Variants in ITIH4 observed in about 807,000 individuals in gnomAD.
The protein encoded by ITIH4 is inter-alpha-trypsin inhibitor heavy chain H4.
Under a neutral mutation model 111.8 loss-of-function variants are expected in ITIH4, and 79 were observed. The observed-to-expected ratio is 0.71, with a 90% CI of 0.59 to 0.85. ITIH4 has a LOEUF of 0.85. Among genes scored for constraint, ITIH4 ranks in the 40% least tolerant of loss-of-function variants. ITIH4 has a pLI of 0.00. For synonymous variants in ITIH4, 472 were observed against 468.3 expected (o/e 1.01, Z -0.10); for missense variants, 1,065 against 1,195.8 (o/e 0.89, Z 1.61).
intron 2 of ITIH4, 78 bp from the exon 3 acceptor site, chr3:52,827,275 T>C: frequency 6.0e-6 from 7 of 1,158,896 alleles, no homozygotes; most frequent in Non-Finnish European, 7.8e-6. Flanking sequence ...CAGAGAGCCT[T>C]TCTGGACTCG....
At chr3:52,822,700 TAC>T (rs1477689320) in intron 11 of ITIH4, among the ~76,000 whole-genome samples, 1 of 152,160 alleles carries the variant, frequency 6.6e-6, no homozygotes, top group Non-Finnish European at 1.5e-5. Flanking sequence ...ACGCAGACCG[TAC>T]CAACAGTCAT....
At position 52,814,574 on chromosome 3, in the gene ITIH4, C is replaced by CT. The variant is rs199505925; in HGVS notation, c.2472-212dup. Among the ~76,000 whole-genome samples, 82 of 152,140 alleles carry CT rather than the reference C, an allele frequency of 5.4e-4. 2 individuals carry two copies. The East Asian group carries it at 0.014, about 26-fold the overall frequency. ...TTAATGATGTCTAGTTTCCCCATCA[C>CT]TTTTTTTTCTTTCTCTTTTTTGGTG... On this transcript the variant is annotated intron_variant, in intron 21 of 23. Coordinates refer to ENST00000266041, the MANE Select transcript of ITIH4 (RefSeq NM_002218.5).
chr3:52,816,241 G>C (rs1700276186), intron 21 of ITIH4, among the ~76,000 whole-genome samples: 2 of 152,162 alleles, frequency 1.3e-5, no homozygotes, highest in Non-Finnish European at 2.9e-5. Flanking sequence ...TCCCTGGAAG[G>C]CCACTGTGAA....
At chr3:52,817,571 T>C (rs187686207) in intron 20 of ITIH4, among the ~76,000 whole-genome samples, 110 of 152,168 alleles carry the variant, frequency 7.2e-4, no homozygotes, top group African/African-American at 2.6e-3. Flanking sequence ...CCATGTCTGG[T>C]CCAGGATTGA....
In ITIH4 at chr3:52,829,225, C is replaced by A. The variant is rs766990315; in HGVS notation, c.145G>T (p.Ala49Ser). The A allele has an allele frequency of 6.2e-7, 1 of 1,613,462 alleles. No homozygotes were observed. The highest frequency in any genetic ancestry group is 8.5e-7 in the Non-Finnish European group (1 of 1,179,534). The change falls in exon 2 of 24, where the codon GCC (alanine) becomes TCC (serine). Residue 49 changes from alanine (A) to serine (S), a missense_variant. By Grantham distance (99) the Ala-to-Ser change is moderately conservative. Transcript: ENST00000266041. ...TVDSRVSSRFAHTVVTSRVVN... is the reference protein window; with the variant it reads ...TVDSRVSSRFSHTVVTSRVVN... ...ACTCGGCTGGTGACGACCGTGTGGG[C>A]AAATCGGGATGAGACCCTGGAGTCC...
In ITIH4 at chr3:52,820,679, G is replaced by A; in HGVS notation, c.1786C>T (p.Pro596Ser). The A allele has an allele frequency of 4.3e-6, 7 of 1,614,026 alleles. No individual in the cohort carries two copies. The highest frequency in any genetic ancestry group is 5.9e-6 in the Non-Finnish European group (7 of 1,179,942). The change falls in exon 13 of 24, where the codon CCC (proline) becomes TCC (serine). Residue 596 changes from proline (P) to serine (S), a missense_variant. Physicochemically the swap from Pro to Ser is moderately conservative, Grantham distance 74 (BLOSUM62 -1). Transcript: ENST00000266041. ...TPLTSMVVTKPDDQEQSQVAE... is the reference protein window; with the variant it reads ...TPLTSMVVTKSDDQEQSQVAE... The stretch of plus-strand genomic sequence containing the variant: ...ACTTGAGACTGCTCTTGGTCATCGG[G>A]TTTGGTGACTACCATAGATGTGAGA...
intron 21 of ITIH4, 60 bp from the exon 22 acceptor site, chr3:52,814,423 A>G (rs1700243478): frequency 1.3e-6 from 2 of 1,499,078 alleles, no homozygotes; most frequent in Non-Finnish European, 1.8e-6. Flanking sequence ...GAACCTCAGT[A>G]GTCAGGGTGG....
At position 52,823,646 on chromosome 3, in the gene ITIH4, C is replaced by T. The variant is rs933861666; in HGVS notation, c.1449G>A (p.Arg483=). 1 of 1,614,052 alleles carries T rather than the reference C, an allele frequency of 6.2e-7. No homozygotes were observed. Among genetic ancestry groups the T allele is most frequent in the Non-Finnish European group, 8.5e-7 (1 of 1,180,026 alleles). The change falls in exon 11 of 24, where the codon CGG becomes CGA. Residue 483 remains arginine (R), a synonymous_variant. Transcript: ENST00000266041. ...CCATCTCTGAGCCCTTGAAGAGGAG[C>T]CGGAAGTTGTTCTGAGTGACCTCCT... The part of the protein sequence containing the change: ...AVEEVTQNNF[R]LLFKGSEMVV...
At chr3:52,823,389 T>G in intron 11 of ITIH4, 167 bp downstream of exon 11, 14 of 622,470 alleles carry the variant, frequency 2.2e-5, no homozygotes, top group Non-Finnish European at 3.6e-5. Context: ...GCTGGTCTCA[T>G]GAGAATCACT....
intron 14 of ITIH4, 52 bp from the exon 15 acceptor site, chr3:52,820,042 C>T: frequency 6.3e-7 from 1 of 1,578,676 alleles, no homozygotes; most frequent in South Asian, 1.1e-5. Context: ...TTCCTGTGGC[C>T]CCACTTGGAT....
At chr3:52,817,135 T>G in intron 20 of ITIH4, 77 bp from the exon 21 acceptor site, 2 of 1,258,948 alleles carry the variant, frequency 1.6e-6, no homozygotes, top group Non-Finnish European at 2.2e-6. Context: ...GAGTCCCCCC[T>G]GATCACACCC....
At chr3:52,817,152 G>T in intron 20 of ITIH4, 94 bp from the exon 21 acceptor site, 1 of 1,043,784 alleles carries the variant, frequency 9.6e-7, no homozygotes, top group Admixed American at 2.3e-5. Flanking sequence ...ACCCCCTGGA[G>T]TTCTGCAGCA....
At chr3:52,830,444 G>C in intron 1 of ITIH4, 109 bp downstream of exon 1, 1 of 1,056,394 alleles carries the variant, frequency 9.5e-7, no homozygotes, top group Non-Finnish European at 1.5e-6. Context: ...GCACACACAG[G>C]GATGCACACG....
chr3:52,820,109 G>C, intron 14 of ITIH4, 119 bp from the exon 15 acceptor site: 1 of 1,293,156 alleles, frequency 7.7e-7, no homozygotes, highest in African/African-American at 1.5e-5. Flanking sequence ...ATATTTGAAT[G>C]CACAGGCGAC....
intron 1 of ITIH4, 22 bp from the exon 2 acceptor site, chr3:52,829,301 G>T: frequency 1.3e-6 from 2 of 1,588,656 alleles, no homozygotes; most frequent in Non-Finnish European, 1.7e-6. Context: ...AAGAAGAAGG[G>T]GGTTGCAGGG....
intron 11 of ITIH4, chr3:52,823,327 G>A (rs982128734): frequency 1.8e-5 from 10 of 555,136 alleles, no homozygotes; most frequent in Non-Finnish European, 2.9e-5. Flanking sequence ...AGGAATCCCT[G>A]CCCTCACCTG....
Position 52,823,870 on chromosome 3 carries a change from GGCC to G in ITIH4, c.1303_1305del (p.Gly435del). 5 of 1,613,834 alleles carry G rather than the reference GGCC, an allele frequency of 3.1e-6. No individual in the cohort carries two copies. Among genetic ancestry groups the G allele is most frequent in the Non-Finnish European group, 3.4e-6 (4 of 1,179,996 alleles). On this transcript the variant is annotated inframe_deletion, in exon 10 of 24. Transcript: ENST00000266041. ...GAGTCCTCATGGATGCGCCGGGCCAGGCCGCCATTGTCCAGTGCCAGCTTCTCC... is the reference window on the plus strand; with the variant it reads ...GAGTCCTCATGGATGCGCCGGGCCAGGCCATTGTCCAGTGCCAGCTTCTCC...
At position 52,824,612 on chromosome 3, in the gene ITIH4, G is replaced by A. The variant is rs1578779501; in HGVS notation, c.877-47C>T. ...AGGTGCTTCAGAAGGGCTCCCTGAG[G>A]GCTCGTGTGCCCTAGGGCTGGCATC... On this transcript the variant is annotated intron_variant, in intron 7 of 23. Transcript: ENST00000266041. The surrounding 1 kb of genome is among the most constrained non-coding windows in gnomAD (Gnocchi z 4.3). 2 of 1,572,300 alleles carry A rather than the reference G, an allele frequency of 1.3e-6. No individual in the cohort carries two copies. The highest frequency in any genetic ancestry group is 1.7e-6 in the Non-Finnish European group (2 of 1,158,346).
chr3:52,818,218 C>A (rs1700313545), intron 19 of ITIH4, 39 bp downstream of exon 19: 4 of 1,590,768 alleles, frequency 2.5e-6, no homozygotes, highest in Non-Finnish European at 3.4e-6. Flanking sequence ...AGGCTGGGGG[C>A]AAGGATGTGG....
Sources: allele counts gnomAD v4.1 joint callset (sites outside exome capture counted in the v4.1 genomes callset), GRCh38; gene constraint gnomAD v4.1.1; non-coding constraint Gnocchi (gnomAD v3.1); transcripts MANE v1.5; gene names NCBI Gene and HGNC (gene_info 2026-07-23, HGNC 2026-07-21).